Variants in SEMA5A observed in about 807,000 individuals in gnomAD.
SEMA5A encodes semaphorin-5A.
Under a neutral mutation model 135.5 loss-of-function variants are expected in SEMA5A, and 55 were observed. The observed-to-expected ratio is 0.41, with a 90% CI of 0.33 to 0.51. The LOEUF is 0.51. Ranked by LOEUF, SEMA5A falls within the 20% of genes least tolerant of loss-of-function variation. The probability of loss-of-function intolerance (pLI) is 0.37; values close to 1 mark genes in which losing one functional copy is unlikely to be tolerated. For synonymous variants in SEMA5A, 580 were observed against 546.5 expected (o/e 1.06, Z -0.85); for missense variants, 1,290 against 1,419.9 (o/e 0.91, Z 1.47).
chr5:9,127,954 C>G (rs1741208075), intron 13 of SEMA5A, among the ~76,000 whole-genome samples: 1 of 152,156 alleles, frequency 6.6e-6, no homozygotes, highest in Non-Finnish European at 1.5e-5. Flanking sequence ...AAGACGGAAA[C>G]AGAAATCACT....
intron 16 of SEMA5A, among the ~76,000 whole-genome samples, chr5:9,079,563 A>C (rs1282929132): frequency 6.6e-6 from 1 of 152,068 alleles, no homozygotes; most frequent in Non-Finnish European, 1.5e-5. Flanking sequence ...ACAAAGAAAG[A>C]GCTTCTGCAC....
chr5:9,505,163 T>C (rs1392706309), intron 1 of SEMA5A, among the ~76,000 whole-genome samples: 1 of 152,134 alleles, frequency 6.6e-6, no homozygotes, highest in African/African-American at 2.4e-5. Flanking sequence ...TCTAGAAATA[T>C]TTAGTATTCC....
intron 1 of SEMA5A, among the ~76,000 whole-genome samples, chr5:9,509,494 C>T (rs1309820146): frequency 3.3e-5 from 5 of 151,978 alleles, no homozygotes; most frequent in African/African-American, 9.7e-5. Context: ...AGGCTGGTCT[C>T]GAACCCCTGA....
At chr5:9,453,480 T>A (rs932913438) in intron 1 of SEMA5A, among the ~76,000 whole-genome samples, 3 of 152,198 alleles carry the variant, frequency 2.0e-5, no homozygotes, top group Admixed American at 6.5e-5. Context: ...TGGCTGGTAT[T>A]CCTAAGTGCA....
intron 10 of SEMA5A, among the ~76,000 whole-genome samples, chr5:9,192,879 T>C (rs1351798767): frequency 1.3e-5 from 2 of 151,922 alleles, no homozygotes; most frequent in African/African-American, 2.4e-5. Flanking sequence ...TAAAAAAAAA[T>C]TGGTATCTTG....
chr5:9,350,692 C>T (rs976971931), intron 3 of SEMA5A, among the ~76,000 whole-genome samples: 9 of 152,186 alleles, frequency 5.9e-5, no homozygotes, highest in African/African-American at 1.9e-4. Flanking sequence ...ATATTCCATT[C>T]ATTTTGCCAA....
intron 2 of SEMA5A, among the ~76,000 whole-genome samples, chr5:9,429,071 G>T (rs905517176): frequency 6.6e-6 from 1 of 152,168 alleles, no homozygotes; most frequent in Non-Finnish European, 1.5e-5. Context: ...CACAGAGGGG[G>T]TGTGACTTAA....
At chr5:9,437,184 G>C (rs1302734090) in intron 2 of SEMA5A, among the ~76,000 whole-genome samples, 1 of 152,212 alleles carries the variant, frequency 6.6e-6, no homozygotes, top group Non-Finnish European at 1.5e-5. Flanking sequence ...AAACCAGGTA[G>C]GCAGTCACAC....
intron 2 of SEMA5A, among the ~76,000 whole-genome samples, chr5:9,408,076 C>T (rs1489262583): frequency 2.6e-5 from 4 of 151,830 alleles, no homozygotes; most frequent in Non-Finnish European, 5.9e-5. Flanking sequence ...CACACCACAC[C>T]ACAATCACTA....
chr5:9,374,909 G>T (rs1010950682), intron 3 of SEMA5A, among the ~76,000 whole-genome samples: 1 of 151,694 alleles, frequency 6.6e-6, no homozygotes, highest in African/African-American at 2.4e-5. Flanking sequence ...GTTCCCAGTT[G>T]CTGTGCCCTC....
In SEMA5A at chr5:9,097,576, G is replaced by T. The variant is rs199683058; in HGVS notation, c.2073+10564C>A. Among the ~76,000 whole-genome samples, 6 of 152,276 alleles carry T rather than the reference G, an allele frequency of 3.9e-5. No individual in the cohort carries two copies. In the East Asian group the frequency reaches 1.2e-3, roughly 29 times the overall value. On this transcript the variant is annotated intron_variant, in intron 16 of 22. Transcript: ENST00000382496. ...GGCAATATGCTGGCCTCTGCAATATGGAACCTACAATGGGTAATGTCTCAG... is the reference window on the plus strand; with the variant it reads ...GGCAATATGCTGGCCTCTGCAATATTGAACCTACAATGGGTAATGTCTCAG...
intron 15 of SEMA5A, among the ~76,000 whole-genome samples, chr5:9,108,734 G>GTT (rs1303959329): frequency 1.3e-5 from 2 of 152,094 alleles, no homozygotes; most frequent in African/African-American, 4.8e-5. Flanking sequence ...TAAGCCCATA[G>GTT]TTATATTAGG....
At chr5:9,307,549 T>A (rs1208313864) in intron 5 of SEMA5A, among the ~76,000 whole-genome samples, 1 of 152,132 alleles carries the variant, frequency 6.6e-6, no homozygotes, top group Non-Finnish European at 1.5e-5. Flanking sequence ...CTTAGGTAAT[T>A]GGGAGACAGC....
intron 16 of SEMA5A, among the ~76,000 whole-genome samples, 166 bp downstream of exon 16, chr5:9,107,974 G>A (rs766590707): frequency 2.0e-5 from 3 of 152,180 alleles, no homozygotes; most frequent in Non-Finnish European, 2.9e-5. Flanking sequence ...CCTAGTGTGT[G>A]AGACCATTTA....
At chr5:9,417,000 T>G (rs1043925871) in intron 2 of SEMA5A, among the ~76,000 whole-genome samples, 1 of 152,366 alleles carries the variant, frequency 6.6e-6, no homozygotes, top group East Asian at 1.9e-4. Flanking sequence ...GACCAGAATC[T>G]CTTACCACTG....
chr5:9,532,440 C>CTTTTTTTTTTTTTT (rs4045370), intron 1 of SEMA5A, among the ~76,000 whole-genome samples: 3 of 125,144 alleles, frequency 2.4e-5, no homozygotes, highest in Admixed American at 8.3e-5. Context: ...TAATTTTTTT[C>CTTTTTTTTTTTTTT]TTTTTTTTTT....
intron 1 of SEMA5A, among the ~76,000 whole-genome samples, chr5:9,485,834 A>C (rs1189337064): frequency 6.6e-6 from 1 of 152,234 alleles, no homozygotes; most frequent in African/African-American, 2.4e-5. Flanking sequence ...GAGCAGACAC[A>C]TGCAGAAACA....
intron 3 of SEMA5A, among the ~76,000 whole-genome samples, chr5:9,359,216 T>C (rs1345790203): frequency 6.6e-6 from 1 of 152,218 alleles, no homozygotes; most frequent in African/African-American, 2.4e-5. Context: ...GCCAGGAATC[T>C]AGCCTCTGCT....
intron 1 of SEMA5A, among the ~76,000 whole-genome samples, chr5:9,542,275 A>G (rs2126396441): frequency 6.6e-6 from 1 of 152,312 alleles, no homozygotes; most frequent in Non-Finnish European, 1.5e-5. Context: ...ATTGCCCCCT[A>G]TCATTTCTGC....
Sources: gnomAD v4.1 joint callset for allele counts (sites outside exome capture counted in the v4.1 genomes callset) on GRCh38, gnomAD v4.1.1 for gene constraint, MANE v1.5 for transcripts, NCBI Gene and HGNC (gene_info 2026-07-23, HGNC 2026-07-21) for gene names.